Variants in ERC2 observed in about 807,000 individuals in gnomAD.
ERC2 encodes the protein ERC protein 2.
Under a neutral mutation model 114.8 loss-of-function variants are expected in ERC2, and 42 were observed. The observed-to-expected ratio is 0.37, with a 90% CI of 0.29 to 0.47. ERC2 has a LOEUF of 0.47. Ranked by LOEUF, ERC2 falls within the 20% of genes least tolerant of loss-of-function variation. The probability of loss-of-function intolerance (pLI) is 0.99; values close to 1 mark genes in which losing one functional copy is unlikely to be tolerated. For synonymous variants in ERC2, 454 were observed against 425.5 expected (o/e 1.07, Z -0.82); for missense variants, 939 against 1,150.7 (o/e 0.82, Z 2.66).
intron 7 of ERC2, among the ~76,000 whole-genome samples, chr3:56,071,767 A>G (rs2076750595): frequency 6.6e-6 from 1 of 152,214 alleles, no homozygotes; most frequent in South Asian, 2.1e-4. Flanking sequence ...AAGAAAAGCA[A>G]TGTATACAAA....
chr3:56,051,277 CAG>C (rs140828214), intron 7 of ERC2, among the ~76,000 whole-genome samples: 20,415 of 152,126 alleles, frequency 0.13, 1,445 homozygotes, highest in East Asian at 0.16. Context: ...CATTTACCAG[CAG>C]ATTAAGATGG....
intron 4 of ERC2, among the ~76,000 whole-genome samples, chr3:56,160,923 G>C (rs1156825707): frequency 1.3e-5 from 2 of 152,030 alleles, no homozygotes; most frequent in African/African-American, 4.8e-5. Flanking sequence ...ATGCCTCCAG[G>C]CTTGTTCTTT....
chr3:55,539,415 C>CTTTTTTTTTTTTTTTTTTTTTTTTTTT lies in ERC2; in HGVS notation c.*40-28166_*40-28140dup, dbSNP rs58749389. The stretch of plus-strand genomic sequence containing the variant: ...TCTCTCTCTCTCTCTTTTTTTCTTT[C>CTTTTTTTTTTTTTTTTTTTTTTTTTTT]TTTTTTTTTTTTTTTTTTTTTTTTT... On this transcript the variant is annotated intron_variant, in intron 17 of 17. Coordinates refer to ENST00000288221, the MANE Select transcript of ERC2 (RefSeq NM_015576.3). 2.9e-3 allele frequency among the ~76,000 whole-genome samples: 114 copies of CTTTTTTTTTTTTTTTTTTTTTTTTTTT among 39,108 alleles called. 19 individuals carry two copies. The highest frequency in any genetic ancestry group is 0.013 in the East Asian group (10 of 762). The allele number at this position is 39,108 out of a possible 152,430, so 25.7% of individuals were successfully genotyped here. A position where few individuals can be genotyped will look rare whatever the true frequency, so the allele number is the denominator to read the frequency against.
At chr3:55,920,447 C>CACA (rs59688935) in intron 13 of ERC2, among the ~76,000 whole-genome samples, 2 of 139,616 alleles carry the variant, frequency 1.4e-5, no homozygotes, top group Non-Finnish European at 3.1e-5. Flanking sequence ...CACACACACA[C>CACA]CCCAAGTGAG....
At chr3:55,844,374 T>C (rs1470000956) in intron 14 of ERC2, among the ~76,000 whole-genome samples, 3 of 152,172 alleles carry the variant, frequency 2.0e-5, no homozygotes, top group Admixed American at 1.3e-4. Flanking sequence ...TGAGAATGAA[T>C]TGACTAGAAG....
intron 17 of ERC2, among the ~76,000 whole-genome samples, chr3:55,520,055 C>A (rs368821509): frequency 8.2e-5 from 12 of 146,272 alleles, no homozygotes; most frequent in African/African-American, 1.0e-4. Context: ...ACCCAGTCTC[C>A]AAAAAAAAAG....
intron 14 of ERC2, among the ~76,000 whole-genome samples, chr3:55,828,021 A>C (rs974186052): frequency 6.6e-6 from 1 of 152,234 alleles, no homozygotes; most frequent in Non-Finnish European, 1.5e-5. Context: ...CAGCCATTTT[A>C]AACACTCAGC....
At chr3:55,886,239 T>C (rs1433274775) in intron 14 of ERC2, among the ~76,000 whole-genome samples, 2 of 152,200 alleles carry the variant, frequency 1.3e-5, no homozygotes, top group Non-Finnish European at 2.9e-5. Context: ...AAATTATTTT[T>C]ATTCTATACT....
chr3:56,450,108 G>T (rs961646582), intron 1 of ERC2, among the ~76,000 whole-genome samples: 1 of 152,328 alleles, frequency 6.6e-6, no homozygotes, highest in East Asian at 1.9e-4. Flanking sequence ...TCAGTAAGGG[G>T]AAAGTCCAGC....
chr3:56,338,721 T>C (rs569903063), intron 2 of ERC2, among the ~76,000 whole-genome samples: 10 of 152,276 alleles, frequency 6.6e-5, no homozygotes, highest in African/African-American at 2.4e-4. Context: ...ACAGTGACTG[T>C]TCTGAGGGGG....
intron 14 of ERC2, among the ~76,000 whole-genome samples, chr3:55,746,929 G>C (rs182381710): frequency 1.3e-5 from 2 of 152,294 alleles, no homozygotes; most frequent in African/African-American, 4.8e-5. Context: ...CATCCTCAAA[G>C]ATGCTCAAAG....
chr3:56,069,347 T>G (rs1490140296), intron 7 of ERC2, among the ~76,000 whole-genome samples: 2 of 152,250 alleles, frequency 1.3e-5, no homozygotes, highest in African/African-American at 2.4e-5. Flanking sequence ...TATTTTAACA[T>G]GTACTTACAT....
chr3:56,211,124 A>C (rs1217201983), intron 3 of ERC2, among the ~76,000 whole-genome samples: 1 of 152,166 alleles, frequency 6.6e-6, no homozygotes, highest in Non-Finnish European at 1.5e-5. Context: ...AGAAAGAAAT[A>C]AAGGGCATCC....
At chr3:56,437,725 T>C (rs2062088454) in intron 1 of ERC2, among the ~76,000 whole-genome samples, 1 of 152,176 alleles carries the variant, frequency 6.6e-6, no homozygotes, top group African/African-American at 2.4e-5. Flanking sequence ...TAATCTGTAG[T>C]GTAAAAAAGA....
chr3:55,572,003 T>C (rs1192955261), intron 17 of ERC2, among the ~76,000 whole-genome samples: 1 of 152,244 alleles, frequency 6.6e-6, no homozygotes, highest in African/African-American at 2.4e-5. Flanking sequence ...GTGTTCCCTC[T>C]AGACCCAGGG....
At chr3:56,137,081 A>G (rs2080553118) in intron 6 of ERC2, among the ~76,000 whole-genome samples, 1 of 152,212 alleles carries the variant, frequency 6.6e-6, no homozygotes, top group African/African-American at 2.4e-5. Flanking sequence ...TGAGAGAGGT[A>G]AAATACAGGG....
intron 13 of ERC2, among the ~76,000 whole-genome samples, chr3:55,940,102 A>G (rs2066689995): frequency 6.6e-6 from 1 of 152,118 alleles, no homozygotes; most frequent in Non-Finnish European, 1.5e-5. Context: ...TCCCAATGGG[A>G]GGACATCCCT....
At chr3:55,950,728 C>T (rs1008100097) in intron 12 of ERC2, among the ~76,000 whole-genome samples, 168 bp from the exon 13 acceptor site, 1 of 152,170 alleles carries the variant, frequency 6.6e-6, no homozygotes, top group Non-Finnish European at 1.5e-5. Flanking sequence ...ATTGAGCATC[C>T]ACTTAATACC....
Position 55,815,679 on chromosome 3 carries a change from A to G in ERC2, c.2564+72710T>C, listed in dbSNP as rs571846547. ...GAGATAATAAACATGTGATATTTTA[A>G]GCTGCCACCTCTGTGTAATTCGTTA... On this transcript the variant is annotated intron_variant, in intron 14 of 17. Coordinates refer to ENST00000288221, the MANE Select transcript of ERC2 (RefSeq NM_015576.3). Among the ~76,000 whole-genome samples the G allele has an allele frequency of 2.0e-5, 3 of 152,344 alleles. No individual in the cohort carries two copies. The South Asian group carries it at 6.2e-4, about 32-fold the overall frequency.
Sources: allele counts gnomAD v4.1 joint callset (sites outside exome capture counted in the v4.1 genomes callset), GRCh38; gene constraint gnomAD v4.1.1; transcripts MANE v1.5; gene names NCBI Gene and HGNC (gene_info 2026-07-23, HGNC 2026-07-21).